PTPRF: variants seen among roughly 807,000 people sequenced by gnomAD.
PTPRF encodes protein tyrosine phosphatase receptor type F.
A neutral mutation model predicts 201.8 loss-of-function variants in PTPRF; 59 were observed. That is an observed-to-expected ratio of 0.29 (90% confidence interval 0.24 to 0.36). The LOEUF is 0.36. Among genes scored for constraint, PTPRF ranks in the 10% least tolerant of loss-of-function variants. PTPRF has a pLI of 1.00. For missense variants in PTPRF, 2,132 were observed against 2,690.5 expected, an observed-to-expected ratio of 0.79 and a Z score of 4.59; for synonymous variants, 1,088 against 1,089.7, an observed-to-expected ratio of 1.00 and a Z score of 0.03.
intron 5 of PTPRF, among the ~76,000 whole-genome samples, chr1:43,565,823 G>A (rs919119827): frequency 1.2e-4 from 18 of 152,288 alleles, no homozygotes; most frequent in African/African-American, 3.4e-4. Context: ...GGCGGTGCCA[G>A]GGCGGACAGC....
chr1:43,603,624 C>T lies in PTPRF; in HGVS notation c.2472C>T (p.Pro824=), dbSNP rs1446443123. 3.1e-6 allele frequency: 5 copies of T among 1,612,816 alleles called. No individual in the cohort carries two copies. Among genetic ancestry groups the T allele is most frequent in the South Asian group, 1.1e-5 (1 of 91,050 alleles). ...VTTTGAVPGR[P]TMMISTTAMN... ...GTGGTCCTTCAGTCCCAGGCCGGCCCACCATGATGATCAGCACCACGGCCA... is the reference window on the plus strand; with the variant it reads ...GTGGTCCTTCAGTCCCAGGCCGGCCTACCATGATGATCAGCACCACGGCCA... The change falls in exon 16 of 34, where the codon CCC becomes CCT. Residue 824 remains proline, a synonymous_variant. Transcript: ENST00000359947. This position sits in a 1 kb window ranked among gnomAD's most constrained non-coding sequence, Gnocchi z 5.8.
chr1:43,557,431 C>G (rs1346407538), intron 5 of PTPRF, among the ~76,000 whole-genome samples: 11 of 152,024 alleles, frequency 7.2e-5, no homozygotes. Flanking sequence ...GTCAGGAGTT[C>G]GAGACCAGCC....
intron 5 of PTPRF, among the ~76,000 whole-genome samples, 159 bp from the exon 6 acceptor site, chr1:43,569,431 G>A (rs1487908291): frequency 6.6e-6 from 1 of 152,120 alleles, no homozygotes; most frequent in East Asian, 1.9e-4. Flanking sequence ...TAGGACCCTG[G>A]TTCCTCAAAT....
In PTPRF at chr1:43,605,270, G is replaced by A. The variant is rs1342056541; in HGVS notation, c.3216G>A (p.Glu1072=). 3 of 1,612,902 alleles carry A rather than the reference G, an allele frequency of 1.9e-6. No homozygotes were observed. The highest frequency in any genetic ancestry group is 3.3e-5 in the Admixed American group (2 of 60,014). ...KLIADLQPNT[E]YSFVLMNRGS... is the part of the protein sequence containing the mutation. The stretch of plus-strand genomic sequence containing the variant: ...TCGCAGACCTGCAGCCCAACACAGA[G>A]TACTCGTTTGTGCTGATGAACCGTG... The change falls in exon 18 of 34, where the codon GAG becomes GAA. Residue 1072 remains glutamate (E), a synonymous_variant. Coordinates refer to ENST00000359947, the MANE Select transcript of PTPRF (RefSeq NM_002840.5).
chr1:43,535,057 A>G (rs542337706), intron 1 of PTPRF, among the ~76,000 whole-genome samples: 1 of 152,176 alleles, frequency 6.6e-6, no homozygotes, highest in African/African-American at 2.4e-5. Flanking sequence ...GATGGTGTAA[A>G]CCCACCCTCC....
upstream of PTPRF, among the ~76,000 whole-genome samples, chr1:43,523,338 A>T (rs1041079527): frequency 6.6e-6 from 1 of 152,172 alleles, no homozygotes; most frequent in Non-Finnish European, 1.5e-5. Context: ...CGGCAGATGG[A>T]CAGTACTCAA....
intron 16 of PTPRF, 109 bp from the exon 17 acceptor site, chr1:43,604,794 C>A: frequency 1.1e-6 from 1 of 923,690 alleles, no homozygotes; most frequent in Non-Finnish European, 1.7e-6. Context: ...TCCTTCAACC[C>A]CCTGTTCCCC....
Position 43,538,228 on chromosome 1 carries a change from T to G in PTPRF, c.-95T>G, listed in dbSNP as rs1644146591. The G allele has an allele frequency of 2.5e-6, 1 of 398,532 alleles. No individual in the cohort carries two copies. Among genetic ancestry groups the G allele is most frequent in the Non-Finnish European group, 4.4e-6 (1 of 226,106 alleles). The allele number at this position is 398,532 out of a possible 1,614,324, so 24.7% of individuals were successfully genotyped here. ...AGTGGAGGCCCTGGTGCCCGGCCCT[T>G]GGTGCTGAGTATCCAGCAAGAGTGA... On this transcript the variant is annotated 5_prime_UTR_variant, in exon 2 of 34. Coordinates refer to ENST00000359947, the MANE Select transcript of PTPRF (RefSeq NM_002840.5).
rs754542750 is a variant in PTPRF at position 43,591,865 on chromosome 1, C to A, written c.1585C>A (p.Gln529Lys). 11 of 1,613,480 alleles carry A rather than the reference C, an allele frequency of 6.8e-6. No homozygotes were observed. The highest frequency in any genetic ancestry group is 2.2e-5 in the East Asian group (1 of 44,896). Residue 529 changes from glutamine (Q) to lysine (K), a missense_variant, in exon 10 of 34, where the codon CAG becomes AAG. By Grantham distance (53) the Gln-to-Lys change is moderately conservative (BLOSUM62 1). Transcript: ENST00000359947. Reference protein sequence around the residue: ...QAEVESDTRIQLSWLLPPQER... With the variant: ...QAEVESDTRIKLSWLLPPQER... ...CGAGGTGGAGTCGGACACCAGGATC[C>A]AGCTCTCGTGGCTGCTGCCCCCTCA...
chr1:43,621,319 G>A, intron 33 of PTPRF, 87 bp downstream of exon 33: 3 of 1,517,778 alleles, frequency 2.0e-6, no homozygotes, highest in Non-Finnish European at 2.7e-6. Flanking sequence ...ATGCCCACAG[G>A]CATGTGCATT....
chr1:43,596,311 G>A (rs540342871), intron 11 of PTPRF, among the ~76,000 whole-genome samples: 12 of 152,300 alleles, frequency 7.9e-5, no homozygotes, highest in African/African-American at 2.6e-4. Context: ...CAGCCTCCAG[G>A]GCATGACCAC....
chr1:43,597,778 G>C lies in PTPRF; in HGVS notation c.1844G>C (p.Cys615Ser). Residue 615 changes from cysteine to serine, a missense_variant, in exon 12 of 34, where the codon TGT becomes TCT. By Grantham distance (112) the Cys-to-Ser change is moderately radical (BLOSUM62 -1). This residue lies in a region of PTPRF where 125 missense variants were observed against 211.9 expected (regional missense o/e 0.59). Transcript: ENST00000359947. ...TPSAPPQKVM[C>S]VSMGSTTVRV... The stretch of plus-strand genomic sequence containing the variant: ...TCCGCCCCTCCCCAGAAGGTGATGT[G>C]TGTGAGCATGGGCTCCACCACGGTC... 6.2e-7 allele frequency: 1 copy of C among 1,602,332 alleles called. No individual in the cohort carries two copies. The highest frequency in any genetic ancestry group is 8.5e-7 in the Non-Finnish European group (1 of 1,174,590).
upstream of PTPRF, among the ~76,000 whole-genome samples, chr1:43,524,039 C>G (rs549706310): frequency 9.9e-6 from 1 of 101,422 alleles, no homozygotes; most frequent in African/African-American, 4.0e-5. Context: ...GGTGCCAAAG[C>G]GAGACTCTGT....
intron 5 of PTPRF, among the ~76,000 whole-genome samples, chr1:43,556,069 T>C (rs1482358275): frequency 6.6e-6 from 1 of 152,198 alleles, no homozygotes; most frequent in Non-Finnish European, 1.5e-5. Context: ...TTGGGAAATA[T>C]CTTCAAAAAA....
rs537919698 is a variant in PTPRF, at chr1:43,607,128, T to C, written c.3857+160T>C. Among the ~76,000 whole-genome samples, 264 of 152,326 alleles carry C rather than the reference T, an allele frequency of 1.7e-3. 6 individuals carry two copies. The highest frequency in any genetic ancestry group is 0.017 in the Admixed American group (261 of 15,302). On this transcript the variant is annotated intron_variant, in intron 21 of 33. Coordinates refer to ENST00000359947, the MANE Select transcript of PTPRF (RefSeq NM_002840.5). The stretch of plus-strand genomic sequence containing the variant: ...GAAGGGCAGGAGCAGTGTGTGTGCC[T>C]ACCTGTGTCTGCAGGCCTGCATCTG...
Position 43,605,203 on chromosome 1 carries a change from G to T in PTPRF, c.3149G>T (p.Gly1050Val). 6.2e-7 allele frequency: 1 copy of T among 1,600,696 alleles called. No individual in the cohort carries two copies. The highest frequency in any genetic ancestry group is 8.5e-7 in the Non-Finnish European group (1 of 1,169,846). Residue 1050 changes from glycine (G) to valine (V), a missense_variant, in exon 18 of 34, where the codon GGG (glycine) becomes GTG (valine). Gly to Val is a moderately radical substitution (Grantham distance 109, BLOSUM62 -3). Around this residue, in one of 6 missense-constraint regions of PTPRF, gnomAD observed 818 missense variants for 915.3 expected, o/e 0.89. Transcript: ENST00000359947. ...CGTCCCCCACAGATTCTGTACAATG[G>T]GCAGAGTGTGGAGGTGGACGGGCAC... ...SAVPFKILYNGQSVEVDGHSM... is the reference protein window; with the variant it reads ...SAVPFKILYNVQSVEVDGHSM...
intron 2 of PTPRF, among the ~76,000 whole-genome samples, chr1:43,543,646 GAC>G (rs1644484954): frequency 6.6e-6 from 1 of 152,164 alleles, no homozygotes; most frequent in Non-Finnish European, 1.5e-5. Context: ...TCTCAGTTGA[GAC>G]AAGGGTTCAA....
intron 5 of PTPRF, among the ~76,000 whole-genome samples, chr1:43,562,840 A>G (rs867691396): frequency 6.6e-6 from 1 of 152,070 alleles, no homozygotes. Context: ...CATTGGCGCA[A>G]ATCTGGGTAT....
At chr1:43,545,525 G>A (rs541952298) in intron 3 of PTPRF, among the ~76,000 whole-genome samples, 3 of 152,230 alleles carry the variant, frequency 2.0e-5, no homozygotes, top group African/African-American at 4.8e-5. Context: ...GCCAGGGGTC[G>A]GCATGGGAAT....
Sources: gnomAD v4.1 joint callset for allele counts (sites outside exome capture counted in the v4.1 genomes callset) on GRCh38, gnomAD v4.1.1 for gene constraint, gnomAD v4.1.1 regional missense constraint, Gnocchi (gnomAD v3.1) non-coding constraint, MANE v1.5 for transcripts, NCBI Gene and HGNC (gene_info 2026-07-23, HGNC 2026-07-21) for gene names.